Variants in OXNAD1 observed in about 807,000 individuals in gnomAD.
OXNAD1 encodes the protein oxidoreductase NAD-binding domain-containing protein 1.
OXNAD1 carries 34 observed loss-of-function variants against 32.9 expected under a neutral mutation model. The observed-to-expected ratio is 1.03, with a 90% CI of 0.79 to 1.38. The LOEUF (loss-of-function observed/expected upper bound fraction) is 1.38, where lower values mean the gene tolerates loss of function less well. Among genes scored for constraint, OXNAD1 ranks in the 40% most tolerant of loss-of-function variants. The pLI, the probability that OXNAD1 is intolerant of heterozygous loss-of-function variation, is 0.00. For synonymous variants in OXNAD1, 134 were observed against 135.2 expected, an observed-to-expected ratio of 0.99 and a Z score of 0.06; for missense variants, 407 against 379.4, an observed-to-expected ratio of 1.07 and a Z score of -0.60.
intron 4 of OXNAD1, chr3:16,276,766 G>T (rs1169753966): frequency 6.6e-6 from 1 of 151,974 alleles, no homozygotes; most frequent in African/African-American, 2.4e-5. Flanking sequence ...GGGTTATTTT[G>T]AGCCAAATTT....
rs1352494883 is a variant in OXNAD1, at chr3:16,342,442, TTTAAG to T, written c.*31-6731_*31-6727del. 3.9e-5 allele frequency among the ~76,000 whole-genome samples: 6 copies of T among 152,222 alleles called. No homozygotes were observed. Among genetic ancestry groups the T allele is most frequent in the African/African-American group, 1.4e-4 (6 of 41,456 alleles). On this transcript the variant is annotated intron_variant, in intron 9 of 9. Transcript: ENST00000606098. This position sits in a 1 kb window ranked among gnomAD's most constrained non-coding sequence, Gnocchi z 4.0. The stretch of plus-strand genomic sequence containing the variant: ...TAGTTTATTCATCATTTGATGAACA[TTTAAG>T]TTGTTTCTACTTTTTGGACATTACA...
At chr3:16,279,253 C>T (rs1411629571) in intron 4 of OXNAD1, among the ~76,000 whole-genome samples, 1 of 152,080 alleles carries the variant, frequency 6.6e-6, no homozygotes, top group Non-Finnish European at 1.5e-5. Context: ...TGGACTGCAG[C>T]TCTTAGAAAA....
rs1295535754 is a variant in OXNAD1, at chr3:16,298,285, T to C, written c.432+3288T>C. Among the ~76,000 whole-genome samples, 1 of 151,918 alleles carries C rather than the reference T, an allele frequency of 6.6e-6. No homozygotes were observed. The highest frequency in any genetic ancestry group is 1.5e-5 in the Non-Finnish European group (1 of 67,960). Reference sequence around the variant, plus strand: ...GTATCTGCATGCCCCTTGCTCAGAGTTGAAATAAGCATAGCCATCCCAGTT... The same window carrying C: ...GTATCTGCATGCCCCTTGCTCAGAGCTGAAATAAGCATAGCCATCCCAGTT... On this transcript the variant is annotated intron_variant, in intron 6 of 8. Transcript: ENST00000285083. The surrounding 1 kb of genome is among the most constrained non-coding windows in gnomAD (Gnocchi z 5.1).
Position 16,345,817 on chromosome 3 carries a change from TGCGC to T in OXNAD1, c.*31-3351_*31-3348del, listed in dbSNP as rs1553726165. 0.016 allele frequency among the ~76,000 whole-genome samples: 1,214 copies of T among 74,540 alleles called. 14 individuals carry two copies. The highest frequency in any genetic ancestry group is 0.029 in the African/African-American group (523 of 18,150). The allele number at this position is 74,540 out of a possible 152,430, so 48.9% of individuals were successfully genotyped here. ...GTGTGTGTGTGTGTGTGTGTGTGTG[TGCGC>T]GCGCGCGTGCGCGCACGCGCACATG... is the stretch of plus-strand genomic sequence containing the variant. On this transcript the variant is annotated intron_variant, in intron 9 of 9. Coordinates refer to the OXNAD1 transcript ENST00000606098. The surrounding 1 kb of genome is among the most constrained non-coding windows in gnomAD (Gnocchi z 5.2).
intron 4 of OXNAD1, among the ~76,000 whole-genome samples, chr3:16,283,474 C>T (rs949274719): frequency 1.2e-4 from 19 of 152,194 alleles, no homozygotes; most frequent in Admixed American, 1.2e-3. Flanking sequence ...AACACTGTCT[C>T]TTGGGATATA....
At chr3:16,310,597 A>C (rs1235108710), downstream of OXNAD1, among the ~76,000 whole-genome samples, 2 of 151,686 alleles carry the variant, frequency 1.3e-5, no homozygotes, top group African/African-American at 4.8e-5. Flanking sequence ...GAATATCTCT[A>C]CTCTTTCTTC....
Position 16,302,005 on chromosome 3 carries a change from G to C in OXNAD1, c.675+137G>C. Reference sequence around the variant, plus strand: ...GCAAGATTTAATCATGCTTAAATGAGAACTAACCAACACACCTTACCCAAG... The same window carrying C: ...GCAAGATTTAATCATGCTTAAATGACAACTAACCAACACACCTTACCCAAG... On this transcript the variant is annotated intron_variant, in intron 7 of 8. Transcript: ENST00000285083. This position sits in a 1 kb window ranked among gnomAD's most constrained non-coding sequence, Gnocchi z 4.2. The C allele has an allele frequency of 9.0e-7, 1 of 1,113,686 alleles. No homozygotes were observed. The allele number at this position is 1,113,686 out of a possible 1,614,324, so 69.0% of individuals were successfully genotyped here. A position where few individuals can be genotyped will look rare whatever the true frequency, so the allele number is the denominator to read the frequency against.
Position 16,304,362 on chromosome 3 carries a change from G to C in OXNAD1, c.*800G>C, listed in dbSNP as rs1425125523. 2 of 152,346 alleles carry C rather than the reference G, an allele frequency of 1.3e-5. No individual in the cohort carries two copies. The highest frequency in any genetic ancestry group is 2.1e-4 in the South Asian group (1 of 4,830). The allele number at this position is 152,346 out of a possible 1,614,324, so 9.4% of individuals were successfully genotyped here. A position where few individuals can be genotyped will look rare whatever the true frequency, so the allele number is the denominator to read the frequency against. ...TGCTTAGCATTGATTAGGGGGTAGA[G>C]AGCTGTTTCTAAATCCTGCTTTTCT... On this transcript the variant is annotated 3_prime_UTR_variant, in exon 9 of 9. Transcript: ENST00000285083. This position sits in a 1 kb window ranked among gnomAD's most constrained non-coding sequence, Gnocchi z 4.6.
chr3:16,270,819 G>T (rs2064871219), intron 2 of OXNAD1, 126 bp from the exon 3 acceptor site: 1 of 1,376,920 alleles, frequency 7.3e-7, no homozygotes, highest in Non-Finnish European at 9.8e-7. Flanking sequence ...GGCTGCTTTG[G>T]TGGTAACTTG....
At chr3:16,306,353 C>G (rs1403944311), downstream of OXNAD1, among the ~76,000 whole-genome samples, 3 of 152,118 alleles carry the variant, frequency 2.0e-5, no homozygotes, top group African/African-American at 7.2e-5. Flanking sequence ...TCAAGCAAAG[C>G]CTAGCAATTG....
At chr3:16,275,180 T>G (rs1001091530) in intron 4 of OXNAD1, 1 of 168,124 alleles carries the variant, frequency 5.9e-6, no homozygotes, top group Non-Finnish European at 1.4e-5. Flanking sequence ...CTACCTATAG[T>G]TTGTTGTTTG....
At position 16,305,598 on chromosome 3, in the gene OXNAD1, G is replaced by GCTAA. The variant is rs1313313529; in HGVS notation, c.*2039_*2042dup. On this transcript the variant is annotated 3_prime_UTR_variant, in exon 9 of 9. Coordinates refer to ENST00000285083, the MANE Select transcript of OXNAD1 (RefSeq NM_138381.5). This position sits in a 1 kb window ranked among gnomAD's most constrained non-coding sequence, Gnocchi z 4.5. ...CAGATCTTTTTGGTACTTAAATTGA[G>GCTAA]CTAACTCCAGCCAGAGTGGCTTGGA... The GCTAA allele has an allele frequency of 2.0e-5, 3 of 152,198 alleles. No homozygotes were observed. In the East Asian group the frequency reaches 5.8e-4, roughly 29 times the overall value. The allele number at this position is 152,198 out of a possible 1,614,324, so 9.4% of individuals were successfully genotyped here.
downstream of OXNAD1, among the ~76,000 whole-genome samples, chr3:16,338,904 G>A (rs1031146584): frequency 1.3e-5 from 2 of 152,216 alleles, no homozygotes; most frequent in Non-Finnish European, 2.9e-5. The surrounding 1 kb of genome is among the most constrained non-coding windows in gnomAD (Gnocchi z 5.3). Context: ...AACTGTCAAC[G>A]TTGTCCCCTC....
Position 16,317,092 on chromosome 3 carries a change from C to T in OXNAD1, c.*30+13500C>T, listed in dbSNP as rs745349462. 1.2e-6 allele frequency: 2 copies of T among 1,613,916 alleles called. No homozygotes were observed. Among genetic ancestry groups the T allele is most frequent in the Non-Finnish European group, 1.7e-6 (2 of 1,179,992 alleles). On this transcript the variant is annotated intron_variant, in intron 9 of 9. Transcript: ENST00000435829. This position sits in a 1 kb window ranked among gnomAD's most constrained non-coding sequence, Gnocchi z 4.3. ...GCTGCTGTCCTGAAACACAGTTTCC[C>T]ATGTCTCCAGCTTTGGAAGACTGGT... is the stretch of plus-strand genomic sequence containing the variant.
chr3:16,320,604 A>C lies in OXNAD1; in HGVS notation c.*31-16508A>C, dbSNP rs566023951. On this transcript the variant is annotated intron_variant, in intron 9 of 9. Coordinates refer to the OXNAD1 transcript ENST00000435829. The surrounding 1 kb of genome is among the most constrained non-coding windows in gnomAD (Gnocchi z 4.5). ...CCAAAGGAGAGCTCTGAAGGAGAAG[A>C]ACGTGGTTCTTTTCCAGGGTAGTAC... Among the ~76,000 whole-genome samples, 2 of 152,258 alleles carry C rather than the reference A, an allele frequency of 1.3e-5. No individual in the cohort carries two copies. The highest frequency in any genetic ancestry group is 6.5e-5 in the Admixed American group (1 of 15,286).
chr3:16,286,264 T>C (rs2066063116), intron 4 of OXNAD1, 78 bp from the exon 5 acceptor site: 2 of 1,135,066 alleles, frequency 1.8e-6, no homozygotes, highest in Non-Finnish European at 2.6e-6. Flanking sequence ...TCAAAAACCT[T>C]AGTTCTCAGG....
chr3:16,295,108 A>G (rs1309725167), intron 6 of OXNAD1, 111 bp downstream of exon 6: 43 of 1,273,978 alleles, frequency 3.4e-5, no homozygotes, highest in Non-Finnish European at 4.3e-5. Context: ...GTAAAAGGGT[A>G]CATGCCCAGA....
intron 9 of OXNAD1, chr3:16,326,910 T>G: frequency 6.5e-7 from 1 of 1,548,278 alleles, no homozygotes; most frequent in African/African-American, 1.4e-5. Flanking sequence ...GGGCTGCTGC[T>G]GCCACAAGCC....
Position 16,335,703 on chromosome 3 carries a change from GAGC to G in OXNAD1, c.*31-1404_*31-1402del, listed in dbSNP as rs1353687945. ...TCATACCTAGGTGATAGCCTGATCT[GAGC>G]AGCAACACACATGGCACACGTTTAC... On this transcript the variant is annotated intron_variant, in intron 9 of 9. Transcript: ENST00000435829. This position sits in a 1 kb window ranked among gnomAD's most constrained non-coding sequence, Gnocchi z 4.7. 2.0e-5 allele frequency among the ~76,000 whole-genome samples: 3 copies of G among 150,966 alleles called. No individual in the cohort carries two copies. The highest frequency in any genetic ancestry group is 7.3e-5 in the African/African-American group (3 of 40,974).
Sources: allele counts gnomAD v4.1 joint callset (sites outside exome capture counted in the v4.1 genomes callset), GRCh38; gene constraint gnomAD v4.1.1; non-coding constraint Gnocchi (gnomAD v3.1); transcripts MANE v1.5; gene names NCBI Gene and HGNC (gene_info 2026-07-23, HGNC 2026-07-21).